The following CEP164 variants were observed in gnomAD, a reference collection of about 807,000 sequenced individuals.
The protein encoded by CEP164 is centrosomal protein 164, also known as centrosomal protein of 164 kDa.
A neutral mutation model predicts 182.7 loss-of-function variants in CEP164; 162 were observed. That is an observed-to-expected ratio of 0.89 (90% CI 0.78 to 1.01). The LOEUF (loss-of-function observed/expected upper bound fraction) is 1.01, where lower values mean the gene tolerates loss of function less well. CEP164 is among the 50% of genes least tolerant of loss of function. CEP164 has a pLI of 0.00. For missense variants in CEP164, 1,735 were observed against 1,790.4 expected, an observed-to-expected ratio of 0.97 and a Z score of 0.56; for synonymous variants, 661 against 690.0, an observed-to-expected ratio of 0.96 and a Z score of 0.66.
At chr11:117,400,819 T>C (rs1319840071) in intron 27 of CEP164, among the ~76,000 whole-genome samples, 1 of 152,198 alleles carries the variant, frequency 6.6e-6, no homozygotes, top group African/African-American at 2.4e-5. Flanking sequence ...ATGCTTATAA[T>C]TTTTGCACAT....
rs775665636 is a variant in CEP164, at chr11:117,409,005, G to A, written c.3725G>A (p.Arg1242His). 7 of 1,614,082 alleles carry A rather than the reference G, an allele frequency of 4.3e-6. No homozygotes were observed. Among genetic ancestry groups the A allele is most frequent in the Admixed American group, 1.7e-5 (1 of 60,022 alleles). ...TCTGAATCTTTTTCCCCGCCTCACC[G>A]TGAGTGGTGGCGGCAGCAGAGGAGT... Reference protein sequence around the residue: ...ESSESFSPPHREWWRQQRIDS... With the variant: ...ESSESFSPPHHEWWRQQRIDS... The change falls in exon 29 of 33, where the codon CGT (arginine) becomes CAT (histidine). Residue 1242 changes from arginine to histidine, a missense_variant. By Grantham distance (29) the Arg-to-His change is conservative. Coordinates refer to ENST00000278935, the MANE Select transcript of CEP164 (RefSeq NM_014956.5). This position sits in a 1 kb window ranked among gnomAD's most constrained non-coding sequence, Gnocchi z 4.4.
intron 15 of CEP164, 116 bp from the exon 16 acceptor site, chr11:117,390,661 T>A: frequency 7.5e-7 from 1 of 1,333,894 alleles, no homozygotes; most frequent in Non-Finnish European, 1.0e-6. Context: ...AAAAAAAGAT[T>A]TAGGAAGTTT....
intron 26 of CEP164, among the ~76,000 whole-genome samples, 199 bp downstream of exon 26, chr11:117,396,810 CATTCTCCTCTAGTGGAGAAGCAGA>C (rs2045539865): frequency 6.6e-6 from 1 of 152,246 alleles, no homozygotes; most frequent in South Asian, 2.1e-4. Context: ...TTTGACATGG[CATTCTCCTCTAGTGGAGAAGCAGA>C]TTGCTGGAAG....
rs1311734878 is a variant in CEP164, at chr11:117,371,268, G to A, written c.954G>A (p.Lys318=). 3.7e-6 allele frequency: 6 copies of A among 1,614,244 alleles called. No homozygotes were observed. In the Admixed American group the frequency reaches 8.3e-5, roughly 22 times the overall value. ...PGLPEKEENE[K]SEPKICRNLV... Reference sequence around the variant, plus strand: ...TTCCAGAAAAAGAGGAAAATGAGAAGAGTGAACCTAAGATTTGCAGGAATC... The same window carrying A: ...TTCCAGAAAAAGAGGAAAATGAGAAAAGTGAACCTAAGATTTGCAGGAATC... Residue 318 remains lysine (K), a synonymous_variant, in exon 9 of 33, where the codon AAG becomes AAA. Transcript: ENST00000278935.
intron 5 of CEP164, chr11:117,355,599 C>T: frequency 8.3e-7 from 1 of 1,202,138 alleles, no homozygotes; most frequent in Non-Finnish European, 1.1e-6. Context: ...CACATGTTGC[C>T]TGCCAGGAAG....
chr11:117,338,334 G>T (rs988497634), intron 2 of CEP164, among the ~76,000 whole-genome samples: 2 of 152,236 alleles, frequency 1.3e-5, no homozygotes, highest in Non-Finnish European at 2.9e-5. Context: ...AAGATGTTTT[G>T]TGGTTCACCA....
chr11:117,327,957 G>A (rs2035572938), intron 1 of CEP164, 53 bp downstream of exon 1: 1 of 152,296 alleles, frequency 6.6e-6, no homozygotes. Context: ...GCCTCGCCCG[G>A]AGCCTCGCCC....
In CEP164 at chr11:117,411,522, A is replaced by G; in HGVS notation, c.4164-273A>G. 1 of 407,296 alleles carries G rather than the reference A, an allele frequency of 2.5e-6. No individual in the cohort carries two copies. The highest frequency in any genetic ancestry group is 2.5e-5 in the South Asian group (1 of 39,552). 25.2% of individuals were successfully genotyped at this position (407,296 alleles called of 1,614,324 possible). On this transcript the variant is annotated intron_variant, in intron 31 of 32. Coordinates refer to ENST00000278935, the MANE Select transcript of CEP164 (RefSeq NM_014956.5). The surrounding 1 kb of genome is among the most constrained non-coding windows in gnomAD (Gnocchi z 4.4). ...GTTGACAGAGGGGAGCGCTTTGCTG[A>G]TGAGATTGGCGGGAGCAGGCGGATG...
chr11:117,411,120 G>A lies in CEP164; in HGVS notation c.4163+226G>A. The A allele has an allele frequency of 1.9e-6, 1 of 530,060 alleles. No homozygotes were observed. 32.8% of individuals were successfully genotyped at this position (530,060 alleles called of 1,614,324 possible). On this transcript the variant is annotated intron_variant, in intron 31 of 32. Transcript: ENST00000278935. The surrounding 1 kb of genome is among the most constrained non-coding windows in gnomAD (Gnocchi z 4.4). ...ACCGCCAAGGTCCCAGTGGGGAAGG[G>A]CTGGGCTTACCCTGCCAACCCCCTG...
At chr11:117,380,556 T>A in intron 11 of CEP164, 58 bp from the exon 12 acceptor site, 2 of 1,415,756 alleles carry the variant, frequency 1.4e-6, no homozygotes, top group Non-Finnish European at 2.0e-6. Flanking sequence ...AGCAGGAGGA[T>A]GGAGGGACCC....
At chr11:117,362,061 C>G in intron 6 of CEP164, 68 bp downstream of exon 6, 1 of 1,403,244 alleles carries the variant, frequency 7.1e-7, no homozygotes, top group Non-Finnish European at 9.7e-7. Context: ...ATACCAGGAA[C>G]TATGGCCTAG....
intron 27 of CEP164, among the ~76,000 whole-genome samples, chr11:117,407,320 T>G (rs1185747566): frequency 6.6e-6 from 1 of 151,718 alleles, no homozygotes; most frequent in Non-Finnish European, 1.5e-5. Context: ...TAATCATAAT[T>G]GGAGCAGTGA....
rs571554625 is a variant in CEP164 at position 117,411,513 on chromosome 11, G to A, written c.4164-282G>A. The A allele has an allele frequency of 8.8e-5, 34 of 387,524 alleles. No individual in the cohort carries two copies. In the Admixed American group the frequency reaches 9.8e-4, roughly 11 times the overall value. The allele number at this position is 387,524 out of a possible 1,614,324, so 24.0% of individuals were successfully genotyped here. A position where few individuals can be genotyped will look rare whatever the true frequency, so the allele number is the denominator to read the frequency against. On this transcript the variant is annotated intron_variant, in intron 31 of 32. Coordinates refer to ENST00000278935, the MANE Select transcript of CEP164 (RefSeq NM_014956.5). The surrounding 1 kb of genome is among the most constrained non-coding windows in gnomAD (Gnocchi z 4.4). Reference sequence around the variant, plus strand: ...AAGGATTGAGTTGACAGAGGGGAGCGCTTTGCTGATGAGATTGGCGGGAGC... The same window carrying A: ...AAGGATTGAGTTGACAGAGGGGAGCACTTTGCTGATGAGATTGGCGGGAGC...
upstream of CEP164, among the ~76,000 whole-genome samples, chr11:117,326,058 G>A (rs546914515): frequency 6.6e-6 from 1 of 151,808 alleles, no homozygotes; most frequent in African/African-American, 2.4e-5. Flanking sequence ...TTACAGGCAT[G>A]CACCACCATG....
At chr11:117,405,413 C>A (rs2046563320) in intron 27 of CEP164, among the ~76,000 whole-genome samples, 1 of 152,122 alleles carries the variant, frequency 6.6e-6, no homozygotes, top group Non-Finnish European at 1.5e-5. Context: ...GAGGGAGTTC[C>A]CTGACCCCTT....
chr11:117,331,966 C>T (rs1466442947), intron 1 of CEP164, among the ~76,000 whole-genome samples: 6 of 139,394 alleles, frequency 4.3e-5, no homozygotes, highest in Non-Finnish European at 9.0e-5. Context: ...CAGGTGCACG[C>T]CACCATGCCT....
chr11:117,403,267 T>C (rs1280374055), intron 27 of CEP164, among the ~76,000 whole-genome samples: 1 of 152,248 alleles, frequency 6.6e-6, no homozygotes, highest in Non-Finnish European at 1.5e-5. Flanking sequence ...ATAGCATCGA[T>C]GGTCTTTACA....
Position 117,410,833 on chromosome 11 carries a change from A to C in CEP164, c.4102A>C (p.Ile1368Leu), listed in dbSNP as rs769988354. The C allele has an allele frequency of 6.2e-7, 1 of 1,612,598 alleles. No individual in the cohort carries two copies. The highest frequency in any genetic ancestry group is 1.1e-5 in the South Asian group (1 of 90,670). ...EKWRKYFPSG[I>L]PLLSNSPTPL... ...CTGTCCCCATGCTCTTCCAGCTGGC[A>C]TCCCGCTGCTCAGCAACAGCCCCAC... The change falls in exon 31 of 33, where the codon ATC becomes CTC. Residue 1368 changes from isoleucine (I) to leucine (L), a missense_variant. By Grantham distance (5) the Ile-to-Leu change is conservative (BLOSUM62 2). Transcript: ENST00000278935.
Position 117,411,450 on chromosome 11 carries a change from C to A in CEP164, c.4164-345C>A, listed in dbSNP as rs1009343302. ...TAGGCAGCTAACAGTGAGTACCCCC[C>A]ACTAACCCTTTGGCCAACTTGAGAG... On this transcript the variant is annotated intron_variant, in intron 31 of 32. Transcript: ENST00000278935. The surrounding 1 kb of genome is among the most constrained non-coding windows in gnomAD (Gnocchi z 4.4). 6.3e-6 allele frequency: 2 copies of A among 315,444 alleles called. No homozygotes were observed. The highest frequency in any genetic ancestry group is 1.1e-3 in the Middle Eastern group (1 of 950). 19.5% of individuals were successfully genotyped at this position (315,444 alleles called of 1,614,324 possible). A position where few individuals can be genotyped will look rare whatever the true frequency, so the allele number is the denominator to read the frequency against.
Sources: gnomAD v4.1 joint callset for allele counts (sites outside exome capture counted in the v4.1 genomes callset) on GRCh38, gnomAD v4.1.1 for gene constraint, Gnocchi (gnomAD v3.1) non-coding constraint, MANE v1.5 for transcripts, NCBI Gene and HGNC (gene_info 2026-07-23, HGNC 2026-07-21) for gene names.